The following PLAC1 variants were observed in gnomAD, a reference collection of about 807,000 sequenced individuals.
The protein encoded by PLAC1 is placenta-specific protein 1.
For missense variants in PLAC1, 136 were observed against 163.2 expected (o/e 0.83, Z 0.91); for synonymous variants, 68 against 62.1 (o/e 1.09, Z -0.44).
At chrX:134,583,343 C>T (rs1206714010) in intron 2 of PLAC1, among the ~76,000 whole-genome samples, 5 of 107,582 alleles carry the variant, frequency 4.6e-5, no homozygotes, top group East Asian at 2.9e-4. Context: ...GCTTCTCCTC[C>T]GCCTCCCAAA....
chrX:134,627,038 TCCCTTAAAAAAAAAAATGACA>T (rs1005760896), intron 1 of PLAC1, among the ~76,000 whole-genome samples: 105 of 109,449 alleles, frequency 9.6e-4, no homozygotes, highest in South Asian at 2.0e-3. Flanking sequence ...TGAGACCCTT[TCCCTTAAAAAAAAAAATGACA>T]GCCACAGCTA....
At chrX:134,712,735 T>G (rs2078631756) in intron 2 of PLAC1, among the ~76,000 whole-genome samples, 1 of 111,422 alleles carries the variant, frequency 9.0e-6, no homozygotes, top group African/African-American at 3.3e-5. Flanking sequence ...CCGGTTCATC[T>G]CTCTCCACTC....
intron 2 of PLAC1, among the ~76,000 whole-genome samples, chrX:134,586,976 G>A (rs925772126): frequency 1.8e-5 from 2 of 109,443 alleles, no homozygotes; most frequent in Non-Finnish European, 3.8e-5. Context: ...GGGATTACAG[G>A]CATGAGACAC....
intron 1 of PLAC1, among the ~76,000 whole-genome samples, chrX:134,735,957 T>TAA (rs766171376): frequency 6.4e-4 from 54 of 83,949 alleles, no homozygotes; most frequent in East Asian, 3.3e-3. Flanking sequence ...CTGTCTACCT[T>TAA]AAAAAAAAAA....
At chrX:134,675,144 T>G (rs184324286) in intron 2 of PLAC1, among the ~76,000 whole-genome samples, 36 of 112,159 alleles carry the variant, frequency 3.2e-4, no homozygotes, top group African/African-American at 1.1e-3. Flanking sequence ...TCTGAGCCCA[T>G]AGACAGCCTC....
At chrX:134,714,850 T>C (rs1321317504) in intron 2 of PLAC1, among the ~76,000 whole-genome samples, 2 of 112,247 alleles carry the variant, frequency 1.8e-5, no homozygotes, top group Non-Finnish European at 3.8e-5. Context: ...TGAATAGTAT[T>C]CCATTGCATG....
intron 2 of PLAC1, among the ~76,000 whole-genome samples, chrX:134,725,108 AGTT>A (rs2078670099): frequency 8.9e-6 from 1 of 112,069 alleles, no homozygotes; most frequent in South Asian, 3.7e-4. Context: ...AGGATTATAA[AGTT>A]GTTGTGAGGA....
At chrX:134,663,772 G>T (rs960230775) in intron 2 of PLAC1, among the ~76,000 whole-genome samples, 1 of 112,482 alleles carries the variant, frequency 8.9e-6, no homozygotes, top group Non-Finnish European at 1.9e-5. Flanking sequence ...TGACAAATTT[G>T]TTGATTTTAC....
chrX:134,653,221 A>C (rs1030979389), intron 1 of PLAC1, among the ~76,000 whole-genome samples: 2 of 111,782 alleles, frequency 1.8e-5, no homozygotes, highest in Non-Finnish European at 3.8e-5. Flanking sequence ...TGAAGGTTCT[A>C]CCAGTGGCTC....
At chrX:134,625,775 G>T (rs771942797) in intron 1 of PLAC1, among the ~76,000 whole-genome samples, 2 of 110,750 alleles carry the variant, frequency 1.8e-5, no homozygotes, top group Non-Finnish European at 3.8e-5. Context: ...CCTAACCAAG[G>T]CGAGGCACTG....
At chrX:134,603,313 ATTTTTTTTTTTTTTTT>A (rs1319536202) in intron 1 of PLAC1, among the ~76,000 whole-genome samples, 1 of 7,662 alleles carries the variant, frequency 1.3e-4, no homozygotes, top group African/African-American at 5.1e-4. Flanking sequence ...ATATATATAT[ATTTTTTTTTTTTTTTT>A]TTTTTTTTTT....
chrX:134,722,220 A>G (rs761183291), intron 2 of PLAC1, among the ~76,000 whole-genome samples: 2 of 112,208 alleles, frequency 1.8e-5, no homozygotes, highest in South Asian at 3.8e-4. Context: ...TGCACTCGGC[A>G]TAAATGAATG....
intron 1 of PLAC1, among the ~76,000 whole-genome samples, chrX:134,651,966 G>C (rs1221164148): frequency 9.0e-6 from 1 of 111,621 alleles, no homozygotes; most frequent in Non-Finnish European, 1.9e-5. Flanking sequence ...TACGGGGGGA[G>C]GAGGGTATCA....
chrX:134,711,780 A>G (rs2147834075), intron 2 of PLAC1, among the ~76,000 whole-genome samples: 1 of 110,916 alleles, frequency 9.0e-6, no homozygotes, highest in South Asian at 3.8e-4. Flanking sequence ...TTTCAATCAG[A>G]AGGGAGTAGT....
At position 134,679,315 on chromosome X, in the gene PLAC1, T is replaced by C. The variant is rs375525837; in HGVS notation, n.174+54120A>G. Among the ~76,000 whole-genome samples the C allele has an allele frequency of 2.1e-4, 23 of 110,867 alleles. No homozygotes were observed. In the East Asian group the frequency reaches 5.1e-3, roughly 25 times the overall value. On this transcript the variant is annotated intron_variant and non_coding_transcript_variant, in intron 2 of 2. Coordinates refer to the PLAC1 transcript ENST00000466797. ...AGGGATGTCGAGTAGGCCGTGGATA[T>C]ATAAGACAGGAGTGGGCTGGAGAGG...
chrX:134,593,113 C>G (rs1178724315), intron 2 of PLAC1, among the ~76,000 whole-genome samples: 1 of 111,917 alleles, frequency 8.9e-6, no homozygotes, highest in Non-Finnish European at 1.9e-5. Context: ...GTGACTACTA[C>G]AAGGTTCTTT....
At chrX:134,654,660 A>G (rs2078380242) in intron 1 of PLAC1, among the ~76,000 whole-genome samples, 2 of 112,302 alleles carry the variant, frequency 1.8e-5, no homozygotes, top group South Asian at 7.4e-4. Context: ...TCATTCCTGA[A>G]GGTTCTACCA....
intron 2 of PLAC1, among the ~76,000 whole-genome samples, chrX:134,682,661 T>C (rs920061451): frequency 9.0e-6 from 1 of 110,827 alleles, no homozygotes; most frequent in African/African-American, 3.3e-5. Flanking sequence ...GTTCAAGTGA[T>C]TCTCCTGTCT....
intron 2 of PLAC1, among the ~76,000 whole-genome samples, chrX:134,727,741 T>C (rs1252599564): frequency 1.8e-5 from 2 of 112,054 alleles, no homozygotes; most frequent in South Asian, 3.7e-4. Context: ...ACAAAAAATG[T>C]ATGGGATCTG....
Sources: allele counts gnomAD v4.1 joint callset (sites outside exome capture counted in the v4.1 genomes callset), GRCh38; gene constraint gnomAD v4.1.1; transcripts MANE v1.5; gene names NCBI Gene and HGNC (gene_info 2026-07-23, HGNC 2026-07-21).